Variants in KCND2 observed in about 807,000 individuals in gnomAD.
KCND2 encodes the protein A-type voltage-gated potassium channel KCND2.
A neutral mutation model predicts 54.4 loss-of-function variants in KCND2; 16 were observed. The observed-to-expected ratio is 0.29, with a 90% CI of 0.20 to 0.45. The LOEUF (loss-of-function observed/expected upper bound fraction) is 0.45, where lower values mean the gene tolerates loss of function less well. Among genes scored for constraint, KCND2 ranks in the 20% least tolerant of loss-of-function variants. The pLI is 1.00. For synonymous variants in KCND2, 317 were observed against 310.7 expected (o/e 1.02, Z -0.21); for missense variants, 486 against 824.2 (o/e 0.59, Z 5.02).
intron 1 of KCND2, among the ~76,000 whole-genome samples, chr7:120,357,328 A>G (rs189968684): frequency 1.3e-5 from 2 of 152,238 alleles, no homozygotes; most frequent in East Asian, 3.9e-4. Context: ...TCAGGATTTT[A>G]TGACTCCCAA....
intron 1 of KCND2, among the ~76,000 whole-genome samples, chr7:120,405,163 G>A (rs868394675): frequency 2.0e-5 from 3 of 152,046 alleles, no homozygotes; most frequent in Non-Finnish European, 2.9e-5. Flanking sequence ...AATTAAAAAT[G>A]TCCAGTACAG....
intron 1 of KCND2, among the ~76,000 whole-genome samples, chr7:120,457,095 C>G (rs1802210815): frequency 6.6e-6 from 1 of 152,216 alleles, no homozygotes; most frequent in Non-Finnish European, 1.5e-5. Flanking sequence ...GCTGGAGCAG[C>G]TGGGACACAG....
intron 1 of KCND2, among the ~76,000 whole-genome samples, chr7:120,283,640 C>G (rs975527578): frequency 9.2e-5 from 14 of 151,992 alleles, no homozygotes; most frequent in African/African-American, 3.4e-4. Context: ...AAGGCTAGTG[C>G]TCAGTGGATA....
In KCND2 at chr7:120,310,796, C is replaced by T. The variant is rs185656899; in HGVS notation, c.1115+35049C>T. Among the ~76,000 whole-genome samples the T allele has an allele frequency of 3.4e-4, 51 of 151,748 alleles. 1 individual carries two copies. Among genetic ancestry groups the T allele is most frequent in the Non-Finnish European group, 6.2e-4 (42 of 67,924 alleles). On this transcript the variant is annotated intron_variant, in intron 1 of 5. Coordinates refer to ENST00000331113, the MANE Select transcript of KCND2 (RefSeq NM_012281.3). ...TACTAAAAATACAAAATTAACTTGG[C>T]GTGGTGGTGCATGCCTGTAATCCCA...
At chr7:120,464,680 T>C (rs997284312) in intron 1 of KCND2, among the ~76,000 whole-genome samples, 7 of 152,214 alleles carry the variant, frequency 4.6e-5, no homozygotes, top group Admixed American at 2.0e-4. Context: ...AATGCACTTA[T>C]ATGCTCATTC....
intron 1 of KCND2, among the ~76,000 whole-genome samples, chr7:120,489,460 A>G (rs748202590): frequency 6.6e-5 from 10 of 152,214 alleles, no homozygotes; most frequent in Non-Finnish European, 1.2e-4. Context: ...CACAACTTCT[A>G]ACTGAAATAA....
chr7:120,278,423 G>A (rs1799211123), intron 1 of KCND2, among the ~76,000 whole-genome samples: 1 of 151,452 alleles, frequency 6.6e-6, no homozygotes, highest in South Asian at 2.1e-4. Context: ...TTTTTATGGG[G>A]CTATTAATTT....
intron 1 of KCND2, among the ~76,000 whole-genome samples, chr7:120,316,132 G>A (rs754714040): frequency 5.9e-5 from 9 of 151,956 alleles, no homozygotes; most frequent in Admixed American, 4.6e-4. Flanking sequence ...AAAATTTGGC[G>A]TTTATCTTCC....
chr7:120,602,850 C>G (rs1792831942), intron 1 of KCND2, among the ~76,000 whole-genome samples: 1 of 152,148 alleles, frequency 6.6e-6, no homozygotes. Flanking sequence ...GACTCACATA[C>G]AGAAGCAGTT....
intron 1 of KCND2, among the ~76,000 whole-genome samples, chr7:120,639,236 A>C (rs1027050734): frequency 6.6e-6 from 1 of 152,214 alleles, no homozygotes; most frequent in Non-Finnish European, 1.5e-5. Flanking sequence ...TTATTCACAC[A>C]GTAAATGAAA....
At chr7:120,723,288 A>G (rs557524577) in intron 1 of KCND2, among the ~76,000 whole-genome samples, 3 of 152,138 alleles carry the variant, frequency 2.0e-5, no homozygotes, top group South Asian at 2.1e-4. Context: ...TTTCTGTTGG[A>G]AGACAAACAT....
At chr7:120,733,745 C>T (rs1417238309) in intron 2 of KCND2, among the ~76,000 whole-genome samples, 1 of 151,990 alleles carries the variant, frequency 6.6e-6, no homozygotes, top group Non-Finnish European at 1.5e-5. Context: ...AGCAGCTTAC[C>T]GTTTGTTTGA....
At chr7:120,482,869 A>G (rs1030004477) in intron 1 of KCND2, among the ~76,000 whole-genome samples, 5 of 152,222 alleles carry the variant, frequency 3.3e-5, no homozygotes, top group Admixed American at 6.5e-5. Flanking sequence ...TGCTAGCACT[A>G]TGTTCTGAAA....
At chr7:120,417,429 A>G (rs1801539820) in intron 1 of KCND2, among the ~76,000 whole-genome samples, 1 of 152,130 alleles carries the variant, frequency 6.6e-6, no homozygotes, top group Non-Finnish European at 1.5e-5. Flanking sequence ...GACTGAAAAG[A>G]TTTATTGAGA....
intron 1 of KCND2, among the ~76,000 whole-genome samples, chr7:120,500,083 C>T (rs935344158): frequency 1.3e-5 from 2 of 152,038 alleles, no homozygotes; most frequent in African/African-American, 4.8e-5. Flanking sequence ...TTTCTTAGTC[C>T]CAAATGTTTT....
chr7:120,495,788 T>C lies in KCND2; in HGVS notation c.1115+220041T>C, dbSNP rs964699571. On this transcript the variant is annotated intron_variant, in intron 1 of 5. Coordinates refer to ENST00000331113, the MANE Select transcript of KCND2 (RefSeq NM_012281.3). ...CCTGCCCCACCTACCTTAAGCTTAG[T>C]AGGCAAAAATGAGGTCTCACAAATA... Among the ~76,000 whole-genome samples, 6 of 152,080 alleles carry C rather than the reference T, an allele frequency of 3.9e-5. No individual in the cohort carries two copies. In the East Asian group the frequency reaches 7.7e-4, roughly 20 times the overall value.
At chr7:120,641,507 TAC>T (rs1276982238) in intron 1 of KCND2, among the ~76,000 whole-genome samples, 1 of 152,116 alleles carries the variant, frequency 6.6e-6, no homozygotes, top group African/African-American at 2.4e-5. Context: ...TCCCTCTGGG[TAC>T]CTAGCTCCCA....
intron 1 of KCND2, among the ~76,000 whole-genome samples, chr7:120,301,755 A>G (rs1447049704): frequency 6.6e-6 from 1 of 152,118 alleles, no homozygotes; most frequent in Non-Finnish European, 1.5e-5. Flanking sequence ...CATTTGTGTG[A>G]GCTAAGATTC....
intron 1 of KCND2, among the ~76,000 whole-genome samples, chr7:120,327,232 G>T (rs1188248014): frequency 6.6e-6 from 1 of 152,030 alleles, no homozygotes; most frequent in East Asian, 1.9e-4. Context: ...TGACCTATTA[G>T]CATAAAAGGT....
Sources: gnomAD v4.1 joint callset for allele counts (sites outside exome capture counted in the v4.1 genomes callset) on GRCh38, gnomAD v4.1.1 for gene constraint, MANE v1.5 for transcripts, NCBI Gene and HGNC (gene_info 2026-07-23, HGNC 2026-07-21) for gene names.